The following KIAA1328 variants were observed in gnomAD, a reference collection of about 807,000 sequenced individuals.
The protein encoded by KIAA1328 is KIAA1328.
In KIAA1328, 52 loss-of-function variants were observed where a neutral mutation model predicts 68.1. That is an observed-to-expected ratio of 0.76 (90% CI 0.61 to 0.96). The LOEUF (loss-of-function observed/expected upper bound fraction) is 0.96. Ranked by LOEUF, KIAA1328 falls within the 40% of genes least tolerant of loss-of-function variation. The pLI, the probability that KIAA1328 is intolerant of heterozygous loss-of-function variation, is 0.00. For missense variants in KIAA1328, 641 were observed against 677.6 expected, an observed-to-expected ratio of 0.95 and a Z score of 0.60; for synonymous variants, 232 against 239.4, an observed-to-expected ratio of 0.97 and a Z score of 0.28.
chr18:36,967,095 C>T (rs576888742), intron 6 of KIAA1328, among the ~76,000 whole-genome samples: 2 of 152,228 alleles, frequency 1.3e-5, no homozygotes, highest in East Asian at 1.9e-4. Flanking sequence ...TGGTTTCACT[C>T]TTGTGACTAT....
chr18:37,002,087 A>G (rs1387226103), intron 6 of KIAA1328, among the ~76,000 whole-genome samples: 1 of 152,108 alleles, frequency 6.6e-6, no homozygotes, highest in Non-Finnish European at 1.5e-5. Flanking sequence ...TGCTGATAAT[A>G]TTATCTTATA....
chr18:36,997,164 T>G (rs2053423993), intron 6 of KIAA1328, among the ~76,000 whole-genome samples: 1 of 152,208 alleles, frequency 6.6e-6, no homozygotes, highest in South Asian at 2.1e-4. Flanking sequence ...TCAGGAAATA[T>G]TTTCGTCTTT....
At chr18:37,066,605 T>C (rs1481475006) in intron 6 of KIAA1328, among the ~76,000 whole-genome samples, 1 of 152,222 alleles carries the variant, frequency 6.6e-6, no homozygotes, top group Non-Finnish European at 1.5e-5. Context: ...TGTAACTCTC[T>C]TTATTTGCAA....
At chr18:37,038,111 A>AT (rs971004322) in intron 6 of KIAA1328, among the ~76,000 whole-genome samples, 14 of 151,972 alleles carry the variant, frequency 9.2e-5, no homozygotes, top group Admixed American at 9.2e-4. Flanking sequence ...AAAAAAAAAA[A>AT]GAAAAAAGAA....
chr18:37,178,974 A>G (rs1020603301), intron 9 of KIAA1328, among the ~76,000 whole-genome samples: 3 of 152,202 alleles, frequency 2.0e-5, no homozygotes, highest in Admixed American at 6.5e-5. Context: ...TTTGCATAGT[A>G]ACTTCTTATC....
At chr18:37,077,419 G>A (rs1406835891) in intron 7 of KIAA1328, among the ~76,000 whole-genome samples, 1 of 148,946 alleles carries the variant, frequency 6.7e-6, no homozygotes, top group Non-Finnish European at 1.5e-5. Context: ...CTGAAAACTG[G>A]CACAAGACAG....
intron 9 of KIAA1328, among the ~76,000 whole-genome samples, chr18:37,183,111 T>C (rs575785127): frequency 1.7e-3 from 259 of 152,320 alleles, no homozygotes; most frequent in Non-Finnish European, 3.0e-3. Context: ...TTCTTCTAAA[T>C]AGAGGAGGTT....
intron 7 of KIAA1328, among the ~76,000 whole-genome samples, chr18:37,155,425 A>G (rs1463369048): frequency 6.6e-6 from 1 of 152,102 alleles, no homozygotes; most frequent in Non-Finnish European, 1.5e-5. Context: ...TTATCAACCC[A>G]AAATTCTGGC....
intron 7 of KIAA1328, among the ~76,000 whole-genome samples, chr18:37,127,803 A>C: frequency 6.6e-6 from 1 of 152,210 alleles, no homozygotes; most frequent in Non-Finnish European, 1.5e-5. Context: ...AACACACTAC[A>C]TGATTTCAAG....
At chr18:36,896,478 C>T (rs972418798) in intron 5 of KIAA1328, among the ~76,000 whole-genome samples, 1 of 152,146 alleles carries the variant, frequency 6.6e-6, no homozygotes, top group Non-Finnish European at 1.5e-5. Flanking sequence ...GTGAGTGACA[C>T]TGCAGTTCAA....
chr18:36,847,525 A>G (rs2047068912), intron 4 of KIAA1328, among the ~76,000 whole-genome samples: 1 of 151,568 alleles, frequency 6.6e-6, no homozygotes. Flanking sequence ...TAATCACATT[A>G]TAGTAACATG....
chr18:37,020,311 C>T (rs1259547056), intron 6 of KIAA1328, among the ~76,000 whole-genome samples: 1 of 151,988 alleles, frequency 6.6e-6, no homozygotes, highest in Non-Finnish European at 1.5e-5. Flanking sequence ...TTAGTAGAGA[C>T]AGGGTTTCAC....
At chr18:37,113,023 C>T (rs1206753911) in intron 7 of KIAA1328, among the ~76,000 whole-genome samples, 1 of 152,128 alleles carries the variant, frequency 6.6e-6, no homozygotes, top group Non-Finnish European at 1.5e-5. Flanking sequence ...AAGACCAAAT[C>T]TACGTTTGAC....
At chr18:37,084,177 C>T (rs1398836922) in intron 7 of KIAA1328, 4 of 1,526,706 alleles carry the variant, frequency 2.6e-6, no homozygotes, top group East Asian at 2.5e-5. Flanking sequence ...TGAAAAACAG[C>T]TTACTAAACC....
chr18:37,074,158 T>C (rs1262292024), intron 7 of KIAA1328, among the ~76,000 whole-genome samples: 1 of 152,220 alleles, frequency 6.6e-6, no homozygotes, highest in South Asian at 2.1e-4. Flanking sequence ...TTTGTCGATA[T>C]AGACTGCTCC....
chr18:36,966,757 C>G (rs1253592428), intron 6 of KIAA1328, among the ~76,000 whole-genome samples: 1 of 152,192 alleles, frequency 6.6e-6, no homozygotes, highest in Non-Finnish European at 1.5e-5. Flanking sequence ...GACATTAAAA[C>G]ATGGCTGAGA....
chr18:37,080,572 C>T (rs1303979124), intron 7 of KIAA1328, among the ~76,000 whole-genome samples: 3 of 151,896 alleles, frequency 2.0e-5, no homozygotes, highest in Non-Finnish European at 2.9e-5. Flanking sequence ...GTCATGAGGT[C>T]GACACCATCC....
intron 5 of KIAA1328, among the ~76,000 whole-genome samples, chr18:36,909,129 A>C (rs1230711016): frequency 6.6e-6 from 1 of 152,010 alleles, no homozygotes; most frequent in African/African-American, 2.4e-5. Context: ...GTGATAGCTA[A>C]TATGCTTTTT....
At chr18:36,879,215 C>T (rs58738024) in intron 4 of KIAA1328, among the ~76,000 whole-genome samples, 20,674 of 151,266 alleles carry the variant, frequency 0.14, 1,757 homozygotes, top group Admixed American at 0.19. Context: ...TCATGGGTGT[C>T]CTTTTTGTTG....
Sources: allele counts gnomAD v4.1 joint callset (sites outside exome capture counted in the v4.1 genomes callset), GRCh38; gene constraint gnomAD v4.1.1; transcripts MANE v1.5; gene names NCBI Gene and HGNC (gene_info 2026-07-23, HGNC 2026-07-21).